Variants in RORA observed in about 807,000 individuals in gnomAD.
The protein encoded by RORA is nuclear receptor ROR-alpha.
In RORA, 7 loss-of-function variants were observed where a neutral mutation model predicts 69.5. That is an observed-to-expected ratio of 0.10 (90% CI 0.06 to 0.19). The LOEUF (loss-of-function observed/expected upper bound fraction) is 0.19. Among genes scored for constraint, RORA ranks in the 10% least tolerant of loss-of-function variants. The pLI, the probability that RORA is intolerant of heterozygous loss-of-function variation, is 1.00. For synonymous variants in RORA, 261 were observed against 240.8 expected (o/e 1.08, Z -0.78); for missense variants, 457 against 663.0 (o/e 0.69, Z 3.41).
At chr15:60,820,261 AT>A (rs879274617) in intron 1 of RORA, among the ~76,000 whole-genome samples, 3 of 151,964 alleles carry the variant, frequency 2.0e-5, no homozygotes, top group South Asian at 2.1e-4. Context: ...AAAGTTGCCT[AT>A]TTTTTTTAAC....
At chr15:61,016,217 T>C (rs1226301473) in intron 1 of RORA, among the ~76,000 whole-genome samples, 1 of 152,208 alleles carries the variant, frequency 6.6e-6, no homozygotes, top group East Asian at 1.9e-4. Flanking sequence ...GCACTCTGCT[T>C]CATACAGTTC....
chr15:61,119,833 A>T (rs1175634465), intron 1 of RORA, among the ~76,000 whole-genome samples: 1 of 152,194 alleles, frequency 6.6e-6, no homozygotes, highest in Non-Finnish European at 1.5e-5. Context: ...AGTGAAATCC[A>T]GTCTTTGTGC....
rs375648354 is a variant in RORA at position 61,228,357 on chromosome 15, C to T, written c.166+696G>A. On this transcript the variant is annotated intron_variant, in intron 1 of 10. Transcript: ENST00000335670. ...TGCAAACTTGCGCATCTCCCCTCGC[C>T]GCGCCCGCCAGACAACTTGGCGAAC... Among the ~76,000 whole-genome samples the T allele has an allele frequency of 5.0e-4, 76 of 151,256 alleles. 2 individuals are homozygous for T. In the East Asian group the frequency reaches 0.014, roughly 28 times the overall value.
intron 1 of RORA, among the ~76,000 whole-genome samples, chr15:60,939,507 C>T (rs928789934): frequency 6.6e-6 from 1 of 152,186 alleles, no homozygotes; most frequent in African/African-American, 2.4e-5. Flanking sequence ...ATCCAGTTGC[C>T]ATAGCGGCCT....
At chr15:60,858,692 T>TACACACACAC (rs3053884) in intron 1 of RORA, among the ~76,000 whole-genome samples, 6,300 of 142,834 alleles carry the variant, frequency 0.044, 196 homozygotes, top group African/African-American at 0.074. Context: ...AGAAAGAAAA[T>TACACACACAC]ACACACACAC....
intron 1 of RORA, among the ~76,000 whole-genome samples, chr15:61,003,021 G>C (rs1894791474): frequency 1.3e-5 from 2 of 149,968 alleles, no homozygotes; most frequent in Non-Finnish European, 3.0e-5. Flanking sequence ...GCGGGCGCCT[G>C]TAGTCCCAGC....
At chr15:60,817,872 A>T (rs1239104986) in intron 1 of RORA, among the ~76,000 whole-genome samples, 1 of 152,236 alleles carries the variant, frequency 6.6e-6, no homozygotes, top group African/African-American at 2.4e-5. Context: ...GGGTCTGCAC[A>T]CAGTAGGTGC....
At chr15:61,086,489 T>C (rs193067343) in intron 1 of RORA, among the ~76,000 whole-genome samples, 1 of 152,178 alleles carries the variant, frequency 6.6e-6, no homozygotes, top group African/African-American at 2.4e-5. Context: ...CTTTGCTATA[T>C]TGAGTCACTG....
At chr15:60,786,490 C>T (rs1340773576) in intron 1 of RORA, among the ~76,000 whole-genome samples, 1 of 152,176 alleles carries the variant, frequency 6.6e-6, no homozygotes, top group Non-Finnish European at 1.5e-5. Context: ...TGGGCTGGGC[C>T]AAGTTGGGGG....
At position 61,115,350 on chromosome 15, in the gene RORA, C is replaced by T. The variant is rs1018179561; in HGVS notation, c.166+113703G>A. On this transcript the variant is annotated intron_variant, in intron 1 of 10. Transcript: ENST00000335670. Reference sequence around the variant, plus strand: ...AAAATGAAAACCCACATGAGGTCTCCCAGCAAACCACTAACTTTAAAGGGA... The same window carrying T: ...AAAATGAAAACCCACATGAGGTCTCTCAGCAAACCACTAACTTTAAAGGGA... Among the ~76,000 whole-genome samples the T allele has an allele frequency of 3.3e-5, 5 of 152,112 alleles. No individual in the cohort carries two copies. The East Asian group carries it at 9.6e-4, about 29-fold the overall frequency.
At chr15:60,977,778 A>G (rs912286759) in intron 1 of RORA, among the ~76,000 whole-genome samples, 7 of 152,210 alleles carry the variant, frequency 4.6e-5, no homozygotes, top group African/African-American at 1.7e-4. Flanking sequence ...ATGAGGTAGC[A>G]TGTATCAGTA....
intron 2 of RORA, among the ~76,000 whole-genome samples, chr15:60,594,360 T>C (rs2068621904): frequency 6.6e-6 from 1 of 152,238 alleles, no homozygotes. Flanking sequence ...TAACGACTAA[T>C]GCCAAGCTAT....
At chr15:60,820,586 C>T (rs1278019824) in intron 1 of RORA, among the ~76,000 whole-genome samples, 1 of 151,130 alleles carries the variant, frequency 6.6e-6, no homozygotes, top group Admixed American at 6.6e-5. Flanking sequence ...CATTTTAAAG[C>T]TAAATGCTAC....
At chr15:61,064,621 T>C (rs1033085873) in intron 1 of RORA, among the ~76,000 whole-genome samples, 1 of 152,174 alleles carries the variant, frequency 6.6e-6, no homozygotes, top group Non-Finnish European at 1.5e-5. Flanking sequence ...CAAATTCCTC[T>C]GGTGTCAGTG....
chr15:60,755,091 G>A lies in RORA; in HGVS notation c.167-76405C>T, dbSNP rs575808338. 5.8e-3 allele frequency among the ~76,000 whole-genome samples: 872 copies of A among 149,266 alleles called. 11 individuals carry two copies. Among genetic ancestry groups the A allele is most frequent in the African/African-American group, 0.02 (815 of 40,484 alleles). ...GTTGGTGTGCTGCACCCATTAACTC[G>A]TCATTTAGCATTAGGTATATCTCCT... On this transcript the variant is annotated intron_variant, in intron 1 of 10. Transcript: ENST00000335670.
At chr15:60,819,853 G>A (rs1182320828) in intron 1 of RORA, among the ~76,000 whole-genome samples, 2 of 151,828 alleles carry the variant, frequency 1.3e-5, no homozygotes, top group African/African-American at 2.4e-5. Flanking sequence ...CTCAGAGTGA[G>A]GACCCTGCAT....
At chr15:61,095,860 C>A (rs1169913901) in intron 1 of RORA, among the ~76,000 whole-genome samples, 1 of 152,196 alleles carries the variant, frequency 6.6e-6, no homozygotes, top group African/African-American at 2.4e-5. Context: ...AAACTACTTT[C>A]TAAAAGTCAG....
intron 1 of RORA, among the ~76,000 whole-genome samples, chr15:61,100,771 C>T (rs1303301036): frequency 6.6e-6 from 1 of 152,172 alleles, no homozygotes; most frequent in East Asian, 1.9e-4. Context: ...AACTAGAGCA[C>T]GGCTTATCTT....
At chr15:61,040,741 T>A (rs897893701) in intron 1 of RORA, among the ~76,000 whole-genome samples, 1 of 152,218 alleles carries the variant, frequency 6.6e-6, no homozygotes, top group Non-Finnish European at 1.5e-5. Context: ...GATGGATGGA[T>A]GGATTACAGA....
Sources: gnomAD v4.1 joint callset for allele counts (sites outside exome capture counted in the v4.1 genomes callset) on GRCh38, gnomAD v4.1.1 for gene constraint, MANE v1.5 for transcripts, NCBI Gene and HGNC (gene_info 2026-07-23, HGNC 2026-07-21) for gene names.